The following COL5A1 variants were observed in gnomAD, a reference collection of about 807,000 sequenced individuals.
COL5A1 encodes collagen type V alpha 1 chain.
In COL5A1, 16 loss-of-function variants were observed where a neutral mutation model predicts 263.7. The ratio of observed to expected loss-of-function variants is 0.06; its 90% CI spans 0.04 to 0.09. The LOEUF (loss-of-function observed/expected upper bound fraction) is 0.09. Among genes scored for constraint, COL5A1 ranks in the 10% least tolerant of loss-of-function variants. The probability of loss-of-function intolerance (pLI) is 1.00; values close to 1 mark genes in which losing one functional copy is unlikely to be tolerated. For synonymous variants in COL5A1, 1,012 were observed against 1,004.5 expected (o/e 1.01, Z -0.14); for missense variants, 2,036 against 2,540.5 (o/e 0.80, Z 4.27).
chr9:134,751,023 AGGAGCTGTG>A (rs1835758409), intron 13 of COL5A1, 141 bp downstream of exon 13: 2 of 773,324 alleles, frequency 2.6e-6, no homozygotes. Flanking sequence ...TGCTGGGGTC[AGGAGCTGTG>A]GGAGCGTCCA....
rs751344694 is a variant in COL5A1, at chr9:134,805,242, T to C, written c.3258+28T>C. On this transcript the variant is annotated intron_variant, in intron 41 of 65. Coordinates refer to ENST00000371817, the MANE Select transcript of COL5A1 (RefSeq NM_000093.5). ...GAGTCAAAGCCTTTGTCCCATCCTC[T>C]TTCTTGAATCCTACTCTCCAGGTCA... 1.9e-5 allele frequency: 31 copies of C among 1,613,122 alleles called. 1 individual carries two copies. In the South Asian group the frequency reaches 3.2e-4, roughly 17 times the overall value.
At chr9:134,730,501 T>A (rs1334982289) in intron 7 of COL5A1, 26 bp downstream of exon 7, 1 of 1,613,300 alleles carries the variant, frequency 6.2e-7, no homozygotes, top group Non-Finnish European at 8.5e-7. Context: ...CCCATTGGTT[T>A]GGTCTGGGGC....
At chr9:134,664,531 C>T (rs1162516530) in intron 1 of COL5A1, among the ~76,000 whole-genome samples, 1 of 152,192 alleles carries the variant, frequency 6.6e-6, no homozygotes, top group Middle Eastern at 3.2e-3. Flanking sequence ...GGCCGACACA[C>T]ATGGCAAGTT....
Position 134,765,773 on chromosome 9 carries a change from C to T in COL5A1, c.2088+39C>T, listed in dbSNP as rs760923483. The T allele has an allele frequency of 2.0e-5, 32 of 1,581,864 alleles. No homozygotes were observed. Among genetic ancestry groups the T allele is most frequent in the African/African-American group, 1.8e-4 (13 of 73,470 alleles). On this transcript the variant is annotated intron_variant, in intron 21 of 65. Transcript: ENST00000371817. This position sits in a 1 kb window ranked among gnomAD's most constrained non-coding sequence, Gnocchi z 5.1. ...CCGCCCTGCTTGTCTGCCCCCATCTCGGCCTTTGAGACCCCGCCTCCCAGC... is the reference window on the plus strand; with the variant it reads ...CCGCCCTGCTTGTCTGCCCCCATCTTGGCCTTTGAGACCCCGCCTCCCAGC...
At position 134,758,212 on chromosome 9, in the gene COL5A1, G is replaced by A. The variant is rs373139918; in HGVS notation, c.1882-31G>A. ...GGGGTGTCCACGTGTGCAGGGTGGC[G>A]TCTGAGGCAGCCTTTCTGTCCTTTT... On this transcript the variant is annotated intron_variant, in intron 17 of 65. Transcript: ENST00000371817. The surrounding 1 kb of genome is among the most constrained non-coding windows in gnomAD (Gnocchi z 4.1). 39 of 1,613,702 alleles carry A rather than the reference G, an allele frequency of 2.4e-5. No homozygotes were observed. The highest frequency in any genetic ancestry group is 1.7e-4 in the Middle Eastern group (1 of 5,996).
intron 4 of COL5A1, among the ~76,000 whole-genome samples, chr9:134,710,162 C>A (rs566348025): frequency 6.6e-6 from 1 of 152,328 alleles, no homozygotes; most frequent in South Asian, 2.1e-4. Flanking sequence ...GGATGTTAGG[C>A]TTGTGGTGCG....
At chr9:134,771,805 A>C (rs10120979) in intron 25 of COL5A1, among the ~76,000 whole-genome samples, 1 of 151,804 alleles carries the variant, frequency 6.6e-6, no homozygotes, top group Non-Finnish European at 1.5e-5. Flanking sequence ...AGTAGAACCC[A>C]CCCTGCCAGC....
intron 2 of COL5A1, among the ~76,000 whole-genome samples, chr9:134,694,366 T>TC (rs1478262611): frequency 2.0e-5 from 3 of 152,206 alleles, no homozygotes; most frequent in Admixed American, 2.0e-4. Context: ...TGGTCCTGTA[T>TC]CCCCCACTGG....
chr9:134,820,035 C>A, intron 57 of COL5A1, 81 bp from the exon 58 acceptor site: 1 of 980,146 alleles, frequency 1.0e-6, no homozygotes, highest in Non-Finnish European at 1.7e-6. Context: ...CATGGCTGTG[C>A]TGCGTGCTAA....
chr9:134,654,456 G>A (rs1390225113), intron 1 of COL5A1, among the ~76,000 whole-genome samples: 1 of 124,040 alleles, frequency 8.1e-6, no homozygotes, highest in African/African-American at 3.1e-5. Context: ...GGGCTGGTGT[G>A]TGTAGGGCTG....
In COL5A1 at chr9:134,754,574, AC is replaced by A. The variant is rs536871586; in HGVS notation, c.1827+250del. On this transcript the variant is annotated intron_variant, in intron 16 of 65. Coordinates refer to ENST00000371817, the MANE Select transcript of COL5A1 (RefSeq NM_000093.5). This position sits in a 1 kb window ranked among gnomAD's most constrained non-coding sequence, Gnocchi z 4.3. ...TGGGCACATTCATTTAGTTTAATAA[AC>A]CTTTCTAATTCAAGAAACTTCCCAG... is the stretch of plus-strand genomic sequence containing the variant. Among the ~76,000 whole-genome samples, 85 of 152,280 alleles carry A rather than the reference AC, an allele frequency of 5.6e-4. No individual in the cohort carries two copies. Among genetic ancestry groups the A allele is most frequent in the African/African-American group, 2.0e-3 (84 of 41,568 alleles).
At chr9:134,759,800 A>T (rs1836219690) in intron 18 of COL5A1, among the ~76,000 whole-genome samples, 1 of 90,048 alleles carries the variant, frequency 1.1e-5, no homozygotes, top group African/African-American at 4.3e-5. Context: ...CACACACACC[A>T]CACATGCACA....
chr9:134,820,684 C>T (rs1176786390), intron 58 of COL5A1, among the ~76,000 whole-genome samples: 1 of 152,178 alleles, frequency 6.6e-6, no homozygotes, highest in Non-Finnish European at 1.5e-5. Context: ...AGTTTGCAGC[C>T]TCTGCAAACC....
intron 11 of COL5A1, among the ~76,000 whole-genome samples, chr9:134,748,825 G>A (rs1003467545): frequency 2.0e-4 from 31 of 152,180 alleles, no homozygotes; most frequent in African/African-American, 7.2e-4. Flanking sequence ...GGCAGAAGAC[G>A]GGTTAAATAA....
rs1368188028 is a variant in COL5A1 at position 134,681,172 on chromosome 9, G to A, written c.110-9740G>A. Among the ~76,000 whole-genome samples the A allele has an allele frequency of 6.6e-6, 1 of 152,194 alleles. No individual in the cohort carries two copies. The highest frequency in any genetic ancestry group is 2.4e-5 in the African/African-American group (1 of 41,452). On this transcript the variant is annotated intron_variant, in intron 1 of 65. Coordinates refer to ENST00000371817, the MANE Select transcript of COL5A1 (RefSeq NM_000093.5). The surrounding 1 kb of genome is among the most constrained non-coding windows in gnomAD (Gnocchi z 4.3). ...CGCCTGCCTTGCAGGGAGGGCTGGGGTGGGGGGGCCTCAGCCCTGGGCCAG... is the reference window on the plus strand; with the variant it reads ...CGCCTGCCTTGCAGGGAGGGCTGGGATGGGGGGGCCTCAGCCCTGGGCCAG...
chr9:134,722,413 A>G (rs1834496397), intron 4 of COL5A1, among the ~76,000 whole-genome samples: 1 of 152,206 alleles, frequency 6.6e-6, no homozygotes, highest in Non-Finnish European at 1.5e-5. Context: ...GCCCACAAGC[A>G]CTGAGACCAG....
intron 52 of COL5A1, 93 bp downstream of exon 52, chr9:134,816,081 C>A: frequency 1.6e-6 from 2 of 1,221,440 alleles, no homozygotes; most frequent in Non-Finnish European, 2.4e-6. Context: ...GGAAAAACTC[C>A]AACCTAGTTG....
Position 134,741,454 on chromosome 9 carries a change from C to T in COL5A1, c.1494+2646C>T, listed in dbSNP as rs933491806. 6.6e-6 allele frequency among the ~76,000 whole-genome samples: 1 copy of T among 152,226 alleles called. No individual in the cohort carries two copies. The highest frequency in any genetic ancestry group is 1.9e-4 in the East Asian group (1 of 5,160). ...AGGGGGTTTGGGCTTCGCGGGGTGA[C>T]AGATGGTGGGCAAGTGACTAGGAAC... On this transcript the variant is annotated intron_variant, in intron 11 of 65. Coordinates refer to ENST00000371817, the MANE Select transcript of COL5A1 (RefSeq NM_000093.5). The surrounding 1 kb of genome is among the most constrained non-coding windows in gnomAD (Gnocchi z 4.5).
rs75668257 is a variant in COL5A1 at position 134,795,328 on chromosome 9, C to A, written c.2799+13C>A. ...GCCTGGCCCCAAGGTATGTTTTTGG[C>A]CTCCTGGGCGGTGGGCGGCGTGAAC... On this transcript the variant is annotated intron_variant, in intron 34 of 65. Coordinates refer to ENST00000371817, the MANE Select transcript of COL5A1 (RefSeq NM_000093.5). The A allele has an allele frequency of 7.9e-4, 1,272 of 1,613,036 alleles. 8 individuals carry two copies. The African/African-American group carries it at 0.015, about 20-fold the overall frequency.
Sources: gnomAD v4.1 joint callset for allele counts (sites outside exome capture counted in the v4.1 genomes callset) on GRCh38, gnomAD v4.1.1 for gene constraint, Gnocchi (gnomAD v3.1) non-coding constraint, MANE v1.5 for transcripts, NCBI Gene and HGNC (gene_info 2026-07-23, HGNC 2026-07-21) for gene names.